ANKRD27: variants seen among roughly 807,000 people sequenced by gnomAD.
The protein encoded by ANKRD27 is ankyrin repeat domain 27.
Under a neutral mutation model 129.7 loss-of-function variants are expected in ANKRD27, and 112 were observed. That is an observed-to-expected ratio of 0.86 (90% CI 0.74 to 1.01). The LOEUF (loss-of-function observed/expected upper bound fraction) is 1.01, where lower values mean the gene tolerates loss of function less well. ANKRD27 is among the 50% of genes least tolerant of loss of function. The pLI is 0.00. For missense variants in ANKRD27, 1,258 were observed against 1,300.5 expected (o/e 0.97, Z 0.50); for synonymous variants, 516 against 511.2 (o/e 1.01, Z -0.13).
At chr19:32,656,103 G>GAAAGAAAGAAAAGAAAGA (rs1555747136) in intron 2 of ANKRD27, among the ~76,000 whole-genome samples, 1 of 123,702 alleles carries the variant, frequency 8.1e-6, no homozygotes, top group East Asian at 2.5e-4. Context: ...AAGAAAGAAA[G>GAAAGAAAGAAAAGAAAGA]AAAGAAAAGA....
chr19:32,599,347 C>CTTGGAGACATCATTTACACTTGGAGA lies in ANKRD27; in HGVS notation c.2919+356_2919+357insTCTCCAAGTGTAAATGATGTCTCCAA, dbSNP rs1487707388. The stretch of plus-strand genomic sequence containing the variant: ...AAAGAATTGTCTGAGCAACTGTACA[C>CTTGGAGACATCATTTACACTTGGAGA]CATACTTGGAGACATCATTTACCCA... On this transcript the variant is annotated intron_variant, in intron 28 of 28. Transcript: ENST00000306065. Among the ~76,000 whole-genome samples the CTTGGAGACATCATTTACACTTGGAGA allele has an allele frequency of 3.3e-5, 5 of 152,292 alleles. No individual in the cohort carries two copies. In the East Asian group the frequency reaches 9.7e-4, roughly 29 times the overall value.
At chr19:32,614,420 G>A (rs1353469759) in intron 22 of ANKRD27, among the ~76,000 whole-genome samples, 3 of 152,078 alleles carry the variant, frequency 2.0e-5, no homozygotes, top group Admixed American at 6.6e-5. Context: ...AAAGAACAAG[G>A]AGGCCAGGCG....
At chr19:32,633,608 G>A (rs1235702987) in intron 12 of ANKRD27, among the ~76,000 whole-genome samples, 4 of 152,032 alleles carry the variant, frequency 2.6e-5, no homozygotes, top group African/African-American at 9.6e-5. Context: ...ACAGGCATGA[G>A]TGACCAGGCC....
In ANKRD27 at chr19:32,601,921, A is replaced by G; in HGVS notation, c.2767+94T>C. ...CTCCTCCAGGCATGATTATAATTAC[A>G]CTTTACATATACAATTAAATGAACA... On this transcript the variant is annotated intron_variant, in intron 26 of 28. Coordinates refer to ENST00000306065, the MANE Select transcript of ANKRD27 (RefSeq NM_032139.3). The G allele has an allele frequency of 3.9e-6, 3 of 762,090 alleles. No homozygotes were observed. In the South Asian group the frequency reaches 5.0e-5, roughly 13 times the overall value. 47.2% of individuals were successfully genotyped at this position (762,090 alleles called of 1,614,324 possible).
chr19:32,619,452 G>A, intron 19 of ANKRD27, 42 bp downstream of exon 19: 2 of 1,613,974 alleles, frequency 1.2e-6, no homozygotes, highest in Non-Finnish European at 1.7e-6. Flanking sequence ...AGGCGCCCTT[G>A]GTCTCCAAGG....
At position 32,631,499 on chromosome 19, in the gene ANKRD27, A is replaced by G. The variant is rs1766042459; in HGVS notation, c.1117-5T>C. 1 of 1,613,388 alleles carries G rather than the reference A, an allele frequency of 6.2e-7. No homozygotes were observed. The highest frequency in any genetic ancestry group is 1.1e-5 in the South Asian group (1 of 91,078). The stretch of plus-strand genomic sequence containing the variant: ...GTCTCCAAATCCCTCAGACTCCTGC[A>G]GGGAAAAAACCAAACACACCACGAG... On this transcript the variant is annotated splice_polypyrimidine_tract_variant and splice_region_variant and intron_variant, in intron 12 of 28. Coordinates refer to ENST00000306065, the MANE Select transcript of ANKRD27 (RefSeq NM_032139.3).
chr19:32,641,553 G>A (rs1967200616), intron 10 of ANKRD27, among the ~76,000 whole-genome samples: 1 of 152,114 alleles, frequency 6.6e-6, no homozygotes, highest in South Asian at 2.1e-4. Flanking sequence ...GGCTCCTGCT[G>A]TTGCTTCCTG....
Position 32,625,791 on chromosome 19 carries a change from A to T in ANKRD27, c.1629+83T>A, listed in dbSNP as rs1044807289. ...CAATGTTCCAATAATTATCGACACAAAATACATTAATGAGAAATCCCGACT... is the reference window on the plus strand; with the variant it reads ...CAATGTTCCAATAATTATCGACACATAATACATTAATGAGAAATCCCGACT... On this transcript the variant is annotated intron_variant, in intron 17 of 28. Transcript: ENST00000306065. 4 of 1,186,876 alleles carry T rather than the reference A, an allele frequency of 3.4e-6. No individual in the cohort carries two copies. In the African/African-American group the frequency reaches 6.3e-5, roughly 19 times the overall value. The allele number at this position is 1,186,876 out of a possible 1,614,324, so 73.5% of individuals were successfully genotyped here. A position where few individuals can be genotyped will look rare whatever the true frequency, so the allele number is the denominator to read the frequency against.
Position 32,619,513 on chromosome 19 carries a change from C to T in ANKRD27, c.1868G>A (p.Arg623Lys). ...ACTTACCTCGGACGACTTCTGCCTC[C>T]TCTCGAAGGACAGGTGATAGGCTTC... is the stretch of plus-strand genomic sequence containing the variant. ...VMEAYHLSFE[R>K]RQKSSEAPVQ... The change falls in exon 19 of 29, where the codon AGG (arginine) becomes AAG (lysine). Residue 623 changes from arginine (R) to lysine (K), a missense_variant. Transcript: ENST00000306065. The T allele has an allele frequency of 6.2e-7, 1 of 1,614,132 alleles. No homozygotes were observed. Among genetic ancestry groups the T allele is most frequent in the Non-Finnish European group, 8.5e-7 (1 of 1,180,024 alleles).
Position 32,669,559 on chromosome 19 carries a change from C to T in ANKRD27, c.-31+5512G>A, listed in dbSNP as rs1242814835. The stretch of plus-strand genomic sequence containing the variant: ...AGAAACAGGATGCAATATGGTCAGA[C>T]TCAAGCTGGGAAAAGGCGCTCCTTC... On this transcript the variant is annotated intron_variant, in intron 1 of 28. Transcript: ENST00000306065. Among the ~76,000 whole-genome samples, 3 of 152,168 alleles carry T rather than the reference C, an allele frequency of 2.0e-5. No homozygotes were observed. The South Asian group carries it at 6.2e-4, about 32-fold the overall frequency.
chr19:32,642,990 G>A, intron 9 of ANKRD27, 133 bp downstream of exon 9: 1 of 857,378 alleles, frequency 1.2e-6, no homozygotes, highest in East Asian at 2.4e-5. Context: ...TTGGTTGCAA[G>A]TAACTGCGCT....
At chr19:32,639,797 TAGAC>T (rs1479225105) in intron 11 of ANKRD27, among the ~76,000 whole-genome samples, 3 of 152,206 alleles carry the variant, frequency 2.0e-5, no homozygotes, top group African/African-American at 7.2e-5. Flanking sequence ...AACCACTGTC[TAGAC>T]ACTCATTCCA....
chr19:32,643,100 G>A (rs1159686262), intron 9 of ANKRD27, 23 bp downstream of exon 9: 1 of 1,612,332 alleles, frequency 6.2e-7, no homozygotes, highest in East Asian at 2.2e-5. Flanking sequence ...AGGACACCAA[G>A]CCGCTGTGGC....
chr19:32,671,391 G>C (rs922778006), intron 1 of ANKRD27, among the ~76,000 whole-genome samples: 8 of 151,948 alleles, frequency 5.3e-5, no homozygotes, highest in Admixed American at 2.6e-4. Flanking sequence ...ACCCTGTCAA[G>C]TTTACCTGCA....
intron 22 of ANKRD27, among the ~76,000 whole-genome samples, chr19:32,615,268 G>A (rs928483549): frequency 6.6e-6 from 1 of 152,190 alleles, no homozygotes; most frequent in Non-Finnish European, 1.5e-5. Flanking sequence ...CTGAGAAATC[G>A]AGAACTTTCC....
intron 22 of ANKRD27, among the ~76,000 whole-genome samples, chr19:32,610,223 T>G (rs1427866601): frequency 6.6e-6 from 1 of 151,908 alleles, no homozygotes; most frequent in African/African-American, 2.4e-5. Flanking sequence ...GGTAGGAGAA[T>G]TGCTTGAACC....
At chr19:32,614,158 G>A (rs1309015437) in intron 22 of ANKRD27, among the ~76,000 whole-genome samples, 2 of 152,076 alleles carry the variant, frequency 1.3e-5, no homozygotes, top group African/African-American at 4.8e-5. Context: ...GTGCTTTCCG[G>A]TGACAGACAC....
chr19:32,640,934 A>C (rs1967188352), intron 10 of ANKRD27, among the ~76,000 whole-genome samples: 1 of 151,988 alleles, frequency 6.6e-6, no homozygotes, highest in African/African-American at 2.4e-5. Flanking sequence ...AGTCTCGCTC[A>C]GTCACCCAGA....
chr19:32,652,219 G>A (rs932669589), intron 2 of ANKRD27, among the ~76,000 whole-genome samples: 4 of 152,198 alleles, frequency 2.6e-5, no homozygotes, highest in Non-Finnish European at 5.9e-5. Flanking sequence ...ACCAGAAGGT[G>A]GGGACCCAGA....
Sources: allele counts gnomAD v4.1 joint callset (sites outside exome capture counted in the v4.1 genomes callset), GRCh38; gene constraint gnomAD v4.1.1; transcripts MANE v1.5; gene names NCBI Gene and HGNC (gene_info 2026-07-23, HGNC 2026-07-21).